Variants in SCIN observed in about 807,000 individuals in gnomAD.
SCIN encodes the protein adseverin.
In SCIN, 91 loss-of-function variants were observed where a neutral mutation model predicts 91.8. The observed-to-expected ratio is 0.99, with a 90% CI of 0.84 to 1.18. The LOEUF is 1.18. SCIN is among the 50% of genes most tolerant of loss of function. SCIN has a pLI of 0.00. For missense variants in SCIN, 1,087 were observed against 863.9 expected (o/e 1.26, Z -3.24); for synonymous variants, 367 against 312.6 (o/e 1.17, Z -1.84).
At chr7:12,573,667 A>G (rs1426821376) in intron 1 of SCIN, among the ~76,000 whole-genome samples, 2 of 152,186 alleles carry the variant, frequency 1.3e-5, no homozygotes, top group African/African-American at 4.8e-5. Flanking sequence ...GTAGTTCCTT[A>G]TAGCACCAAA....
chr7:12,577,491 A>G (rs1430113902), intron 1 of SCIN: 10 of 455,720 alleles, frequency 2.2e-5, no homozygotes, highest in South Asian at 1.4e-4. Context: ...AGATTGTTTT[A>G]TCTTCTTGAG....
chr7:12,637,270 G>A (rs10244231), intron 10 of SCIN, among the ~76,000 whole-genome samples: 3,487 of 152,188 alleles, frequency 0.023, 54 homozygotes, highest in Non-Finnish European at 0.036. Flanking sequence ...AAAAAAAGAT[G>A]CATTTTCTTA....
At position 12,578,165 on chromosome 7, in the gene SCIN, G is replaced by T. The variant is rs764614755; in HGVS notation, c.301G>T (p.Gly101Ter). 4 of 1,551,060 alleles carry T rather than the reference G, an allele frequency of 2.6e-6. No individual in the cohort carries two copies. Among genetic ancestry groups the T allele is most frequent in the Middle Eastern group, 1.7e-4 (1 of 5,988 alleles). Residue 101 changes from glycine (G) to a stop codon, truncating the protein, a stop_gained, in exon 2 of 16, where the codon GGA (glycine) becomes TGA (stop). Coordinates refer to ENST00000297029, the MANE Select transcript of SCIN (RefSeq NM_001112706.3). LOFTEE classifies it high-confidence loss of function. Reference sequence around the variant, plus strand: ...GCCAGTGCAGAATAGAGAACTTCAAGGATATGAGTCTAATGACTTTGTTAG... The same window carrying T: ...GCCAGTGCAGAATAGAGAACTTCAATGATATGAGTCTAATGACTTTGTTAG... ...GKPVQNRELQ[G>*]YESNDFVSYF... is the part of the protein sequence containing the mutation.
At chr7:12,610,833 A>C (rs181820226) in intron 4 of SCIN, among the ~76,000 whole-genome samples, 1 of 152,174 alleles carries the variant, frequency 6.6e-6, no homozygotes, top group African/African-American at 2.4e-5. Context: ...ACTTAGTGCA[A>C]TACTGTCCCA....
chr7:12,611,689 G>A (rs928985006), intron 4 of SCIN, among the ~76,000 whole-genome samples: 4 of 152,006 alleles, frequency 2.6e-5, no homozygotes, highest in African/African-American at 9.7e-5. Context: ...TCCCTCTCAC[G>A]ACCACTTTGT....
chr7:12,591,676 G>A lies in SCIN; in HGVS notation c.516+10455G>A, dbSNP rs117253839. ...TGGGAGGGCCTTTGGCCACTTCATA[G>A]AGGGGATGAGCTAGGAGGGCAAAGT... On this transcript the variant is annotated intron_variant, in intron 3 of 15. Transcript: ENST00000297029. Among the ~76,000 whole-genome samples the A allele has an allele frequency of 9.6e-4, 146 of 152,274 alleles. No individual in the cohort carries two copies. In the East Asian group the frequency reaches 0.019, roughly 20 times the overall value.
chr7:12,624,454 C>A (rs1047461118), intron 5 of SCIN, among the ~76,000 whole-genome samples: 2 of 152,128 alleles, frequency 1.3e-5, no homozygotes, highest in Admixed American at 1.3e-4. Flanking sequence ...AATTGCAGGA[C>A]CTATGTTGAA....
intron 13 of SCIN, among the ~76,000 whole-genome samples, chr7:12,648,838 G>A (rs1224392905): frequency 6.6e-6 from 1 of 152,150 alleles, no homozygotes; most frequent in African/African-American, 2.4e-5. Context: ...TGAGATGCAA[G>A]GCTTGAGGAT....
intron 1 of SCIN, chr7:12,571,396 A>G (rs1040578145): frequency 2.1e-5 from 7 of 334,040 alleles, no homozygotes; most frequent in African/African-American, 1.5e-4. Context: ...CGGGATGGAG[A>G]GGAAGTCATA....
At chr7:12,590,682 C>T (rs1782702281) in intron 3 of SCIN, among the ~76,000 whole-genome samples, 1 of 152,108 alleles carries the variant, frequency 6.6e-6, no homozygotes, top group South Asian at 2.1e-4. Context: ...GCTTCTTTTG[C>T]TGCCTCATCG....
At chr7:12,626,448 A>T (rs977238418) in intron 7 of SCIN, 136 bp from the exon 8 acceptor site, 36 of 678,322 alleles carry the variant, frequency 5.3e-5, no homozygotes, top group African/African-American at 4.9e-4. Flanking sequence ...GAGAAAAAGC[A>T]ATTTTGGATT....
At chr7:12,630,950 C>T (rs1041180118) in intron 9 of SCIN, among the ~76,000 whole-genome samples, 4 of 152,104 alleles carry the variant, frequency 2.6e-5, no homozygotes, top group East Asian at 3.9e-4. Context: ...TAATTATTCC[C>T]AGTTAACTTT....
chr7:12,651,766 A>G lies in SCIN; in HGVS notation c.1960-75A>G. On this transcript the variant is annotated intron_variant, in intron 14 of 15. Coordinates refer to ENST00000297029, the MANE Select transcript of SCIN (RefSeq NM_001112706.3). This position sits in a 1 kb window ranked among gnomAD's most constrained non-coding sequence, Gnocchi z 5.9. ...AGATTGAATGAGCAATGTGTGTGTG[A>G]AGCACTTTACATAGGGCCTAGCACT... 3 of 903,500 alleles carry G rather than the reference A, an allele frequency of 3.3e-6. No homozygotes were observed. Among genetic ancestry groups the G allele is most frequent in the Middle Eastern group, 2.2e-4 (1 of 4,466 alleles). 56.0% of individuals were successfully genotyped at this position (903,500 alleles called of 1,614,324 possible).
At chr7:12,629,692 A>G (rs1392472947) in intron 9 of SCIN, among the ~76,000 whole-genome samples, 1 of 152,192 alleles carries the variant, frequency 6.6e-6, no homozygotes. Context: ...TTTCCATTAA[A>G]TTCACAAGAA....
chr7:12,600,192 C>T lies in SCIN; in HGVS notation c.517-4322C>T, dbSNP rs553645049. Among the ~76,000 whole-genome samples the T allele has an allele frequency of 2.9e-3, 438 of 152,272 alleles. 3 individuals are homozygous for T. The highest frequency in any genetic ancestry group is 4.2e-3 in the Non-Finnish European group (283 of 68,024). On this transcript the variant is annotated intron_variant, in intron 3 of 15. Transcript: ENST00000297029. ...GCCATAAAGAGGAACGAAATAATGG[C>T]ATTCGCATGCACCTTGGATAGAATT...
intron 8 of SCIN, among the ~76,000 whole-genome samples, chr7:12,628,760 T>C (rs974905855): frequency 1.3e-5 from 2 of 152,122 alleles, no homozygotes; most frequent in African/African-American, 4.8e-5. Flanking sequence ...AAAAATTAAC[T>C]ATAAAATAGA....
At chr7:12,594,677 A>G (rs1188135716) in intron 3 of SCIN, among the ~76,000 whole-genome samples, 1 of 152,038 alleles carries the variant, frequency 6.6e-6, no homozygotes, top group African/African-American at 2.4e-5. Flanking sequence ...AGAGGCTCCC[A>G]TAGTGAATGG....
At chr7:12,612,889 G>A (rs1045595183) in intron 4 of SCIN, among the ~76,000 whole-genome samples, 11 of 152,112 alleles carry the variant, frequency 7.2e-5, no homozygotes, top group Admixed American at 1.3e-4. Flanking sequence ...TCATAACGAA[G>A]ACTTGTAACC....
chr7:12,656,017 G>C lies in SCIN; in HGVS notation c.*3302G>C, dbSNP rs553281434. 6.6e-6 allele frequency: 1 copy of C among 152,310 alleles called. No homozygotes were observed. Among genetic ancestry groups the C allele is most frequent in the South Asian group, 2.1e-4 (1 of 4,828 alleles). 9.4% of individuals were successfully genotyped at this position (152,310 alleles called of 1,614,324 possible). A position where few individuals can be genotyped will look rare whatever the true frequency, so the allele number is the denominator to read the frequency against. Reference sequence around the variant, plus strand: ...TCTTGGTGCCGGAGAGCCTTGGTGAGCCATTTAGATCCTCTGTATCTTCTC... The same window carrying C: ...TCTTGGTGCCGGAGAGCCTTGGTGACCCATTTAGATCCTCTGTATCTTCTC... On this transcript the variant is annotated 3_prime_UTR_variant, in exon 16 of 16. Transcript: ENST00000297029.
Sources: gnomAD v4.1 joint callset for allele counts (sites outside exome capture counted in the v4.1 genomes callset) on GRCh38, gnomAD v4.1.1 for gene constraint, Gnocchi (gnomAD v3.1) non-coding constraint, MANE v1.5 for transcripts, NCBI Gene and HGNC (gene_info 2026-07-23, HGNC 2026-07-21) for gene names.